The following THEMIS variants were observed in gnomAD, a reference collection of about 807,000 sequenced individuals.
The protein encoded by THEMIS is thymocyte selection associated.
THEMIS carries 37 observed loss-of-function variants against 52.6 expected under a neutral mutation model. The observed-to-expected ratio is 0.70, with a 90% CI of 0.54 to 0.93. The LOEUF (loss-of-function observed/expected upper bound fraction) is 0.93, where lower values mean the gene tolerates loss of function less well. Ranked by LOEUF, THEMIS falls within the 40% of genes least tolerant of loss-of-function variation. The pLI is 0.00. For missense variants in THEMIS, 808 were observed against 763.1 expected, an observed-to-expected ratio of 1.06 and a Z score of -0.69; for synonymous variants, 292 against 272.7, an observed-to-expected ratio of 1.07 and a Z score of -0.70.
rs143339570 is a variant in THEMIS, at chr6:127,866,298, T to C, written c.92-11110A>G. ...ATAAAGTGCACTATTCAGTATAAGCTAGCTACATATAGTGTCTATAGTTTT... is the reference window on the plus strand; with the variant it reads ...ATAAAGTGCACTATTCAGTATAAGCCAGCTACATATAGTGTCTATAGTTTT... On this transcript the variant is annotated intron_variant, in intron 1 of 5. Coordinates refer to ENST00000368248, the MANE Select transcript of THEMIS (RefSeq NM_001010923.3). Among the ~76,000 whole-genome samples the C allele has an allele frequency of 5.6e-4, 85 of 152,184 alleles. 1 individual carries two copies. The highest frequency in any genetic ancestry group is 2.0e-3 in the African/African-American group (82 of 41,582).
chr6:127,909,180 C>G (rs541430479), intron 1 of THEMIS, among the ~76,000 whole-genome samples: 2 of 152,124 alleles, frequency 1.3e-5, no homozygotes, highest in South Asian at 4.1e-4. Context: ...ATTTGCTTAA[C>G]CTGACAAATG....
intron 3 of THEMIS, among the ~76,000 whole-genome samples, chr6:127,822,049 C>T (rs1200838560): frequency 6.6e-6 from 1 of 151,918 alleles, no homozygotes; most frequent in Non-Finnish European, 1.5e-5. Flanking sequence ...ATTTGTTAGA[C>T]ATTTTTACTG....
intron 4 of THEMIS, among the ~76,000 whole-genome samples, chr6:127,764,689 T>C (rs543397429): frequency 6.6e-6 from 1 of 152,206 alleles, no homozygotes; most frequent in South Asian, 2.1e-4. Flanking sequence ...AAGAACAGTT[T>C]GGGTATTGTC....
chr6:127,756,262 A>G (rs1775822870), intron 4 of THEMIS, among the ~76,000 whole-genome samples: 1 of 152,190 alleles, frequency 6.6e-6, no homozygotes, highest in African/African-American at 2.4e-5. Flanking sequence ...AAATTCAACT[A>G]TAAAATCATG....
chr6:127,794,361 CT>C (rs750184132), intron 4 of THEMIS, among the ~76,000 whole-genome samples: 8 of 152,172 alleles, frequency 5.3e-5, no homozygotes, highest in Non-Finnish European at 1.0e-4. Flanking sequence ...ATTGTTTCAT[CT>C]TTCATGAAAA....
intron 2 of THEMIS, among the ~76,000 whole-genome samples, chr6:127,831,032 G>T (rs1386295847): frequency 6.6e-6 from 1 of 152,100 alleles, no homozygotes; most frequent in Non-Finnish European, 1.5e-5. Context: ...AAAATACCAG[G>T]TTCTGTAGTT....
intron 1 of THEMIS, among the ~76,000 whole-genome samples, chr6:127,876,306 C>A (rs944296558): frequency 2.0e-5 from 3 of 152,162 alleles, no homozygotes; most frequent in Non-Finnish European, 4.4e-5. Flanking sequence ...TAAGATCGAA[C>A]TGACTTCCAG....
intron 4 of THEMIS, among the ~76,000 whole-genome samples, chr6:127,780,803 A>G (rs1303240206): frequency 2.0e-5 from 3 of 152,046 alleles, no homozygotes; most frequent in Non-Finnish European, 4.4e-5. Flanking sequence ...GGGTAACCCA[A>G]CCTTTCTGGT....
chr6:127,830,440 C>T (rs1381005279), intron 2 of THEMIS, among the ~76,000 whole-genome samples: 1 of 152,058 alleles, frequency 6.6e-6, no homozygotes, highest in Non-Finnish European at 1.5e-5. Flanking sequence ...AATCCCAGAA[C>T]TTTGGGAGGC....
At chr6:127,871,371 G>C (rs988014773) in intron 1 of THEMIS, among the ~76,000 whole-genome samples, 1 of 151,920 alleles carries the variant, frequency 6.6e-6, no homozygotes, top group Non-Finnish European at 1.5e-5. Context: ...AAAGTTGTAG[G>C]ACATAGCTAA....
rs767877412 is a variant in THEMIS, at chr6:127,709,962, T to TAAG, written c.*20_*22dup. 3.2e-6 allele frequency: 5 copies of TAAG among 1,584,886 alleles called. No individual in the cohort carries two copies. The highest frequency in any genetic ancestry group is 4.3e-6 in the Non-Finnish European group (5 of 1,168,100). ...CACTGCAACATTTATGTTTGCTGCCTAAGTGGCTTCTGTCACATCTTGTTA... is the reference window on the plus strand; with the variant it reads ...CACTGCAACATTTATGTTTGCTGCCTAAGAAGTGGCTTCTGTCACATCTTGTTA... On this transcript the variant is annotated 3_prime_UTR_variant, in exon 6 of 6. Transcript: ENST00000368248.
chr6:127,861,614 C>T (rs943848063), intron 1 of THEMIS, among the ~76,000 whole-genome samples: 2 of 151,446 alleles, frequency 1.3e-5, no homozygotes, highest in Admixed American at 1.3e-4. Flanking sequence ...TGAAACCTGT[C>T]TCTACTAAAA....
At chr6:127,822,116 C>CT (rs927903776) in intron 3 of THEMIS, among the ~76,000 whole-genome samples, 3 of 151,816 alleles carry the variant, frequency 2.0e-5, no homozygotes, top group African/African-American at 7.3e-5. Flanking sequence ...AAAGTATGAA[C>CT]TTCATCTTCA....
chr6:127,733,341 C>T (rs962165590), intron 4 of THEMIS, among the ~76,000 whole-genome samples: 6 of 152,028 alleles, frequency 3.9e-5, no homozygotes, highest in African/African-American at 9.7e-5. Flanking sequence ...ATCTTTAATC[C>T]GCAGGTTGTT....
At chr6:127,764,979 T>C (rs1434755295) in intron 4 of THEMIS, among the ~76,000 whole-genome samples, 2 of 152,058 alleles carry the variant, frequency 1.3e-5, no homozygotes, top group Non-Finnish European at 2.9e-5. Context: ...TCATATAAAC[T>C]ACAAGTCTCT....
chr6:127,904,396 A>G (rs1198527654), upstream of THEMIS, among the ~76,000 whole-genome samples: 1 of 152,052 alleles, frequency 6.6e-6, no homozygotes, highest in African/African-American at 2.4e-5. Flanking sequence ...CTGTGTTCTC[A>G]GTTGGGGCTC....
chr6:127,716,733 C>G (rs1371311017), intron 5 of THEMIS, among the ~76,000 whole-genome samples: 1 of 151,504 alleles, frequency 6.6e-6, no homozygotes, highest in Admixed American at 6.6e-5. Flanking sequence ...AACATTTCCA[C>G]TTAACACATG....
intron 4 of THEMIS, among the ~76,000 whole-genome samples, chr6:127,729,194 C>G (rs1331745824): frequency 1.2e-5 from 1 of 82,218 alleles, no homozygotes; most frequent in South Asian, 3.2e-4. Context: ...CTCTCTCTCT[C>G]TCTCTCTCTT....
chr6:127,711,030 C>G (rs1444640907), intron 5 of THEMIS, among the ~76,000 whole-genome samples: 1 of 144,494 alleles, frequency 6.9e-6, no homozygotes, highest in Non-Finnish European at 1.5e-5. Flanking sequence ...TTTTCCTTCC[C>G]TTCTTCTCCT....
Sources: allele counts gnomAD v4.1 joint callset (sites outside exome capture counted in the v4.1 genomes callset), GRCh38; gene constraint gnomAD v4.1.1; transcripts MANE v1.5; gene names NCBI Gene and HGNC (gene_info 2026-07-23, HGNC 2026-07-21).